KLRG1: variants seen among roughly 807,000 people sequenced by gnomAD.
KLRG1 encodes the protein killer cell lectin like receptor G1, also known as killer cell lectin-like receptor subfamily G member 1.
A neutral mutation model predicts 21.8 loss-of-function variants in KLRG1; 16 were observed. The ratio of observed to expected loss-of-function variants is 0.73; its 90% confidence interval spans 0.50 to 1.11. KLRG1 has a LOEUF of 1.11. Among genes scored for constraint, KLRG1 ranks in the 50% most tolerant of loss-of-function variants. KLRG1 has a pLI of 0.00. For synonymous variants in KLRG1, 69 were observed against 75.9 expected (o/e 0.91, Z 0.47); for missense variants, 173 against 218.3 (o/e 0.79, Z 1.31).
At chr12:9,126,145 T>A in the KLRG1 span, among the ~76,000 whole-genome samples, 1 of 152,208 alleles carries the variant, frequency 6.6e-6, no homozygotes, top group African/African-American at 2.4e-5. Context: ...ATAACTCAAC[T>A]GTTAGGAGCA....
chr12:9,079,490 G>C, the KLRG1 span: 1 of 1,027,742 alleles, frequency 9.7e-7, no homozygotes, highest in South Asian at 1.6e-5. Context: ...GGAGGTTGGA[G>C]AGTGGATAGT....
At chr12:8,991,311 T>G (rs1458648585) in intron 1 of KLRG1, among the ~76,000 whole-genome samples, 1 of 152,186 alleles carries the variant, frequency 6.6e-6, no homozygotes, top group Non-Finnish European at 1.5e-5. Context: ...ACAGCTAACA[T>G]GAAGTAGTGT....
At chr12:9,054,161 A>G in the KLRG1 span, among the ~76,000 whole-genome samples, 1 of 152,174 alleles carries the variant, frequency 6.6e-6, no homozygotes, top group Non-Finnish European at 1.5e-5. Context: ...AACACTATGA[A>G]TGCTGTCACT....
chr12:9,078,011 T>G, the KLRG1 span, among the ~76,000 whole-genome samples: 6 of 152,344 alleles, frequency 3.9e-5, no homozygotes, highest in African/African-American at 1.4e-4. Flanking sequence ...TCTGCCTGAT[T>G]AATCTGCTAG....
chr12:9,160,885 A>C, the KLRG1 span: 1 of 719,912 alleles, frequency 1.4e-6, no homozygotes, highest in Non-Finnish European at 2.4e-6. Context: ...ACTGTACTCC[A>C]GCCTGGGCGA....
chr12:9,067,737 C>A, the KLRG1 span: 1 of 1,212,264 alleles, frequency 8.2e-7, no homozygotes, highest in South Asian at 1.3e-5. Flanking sequence ...GTTTATTCAT[C>A]AAGTCTTTAA....
intron 3 of KLRG1, among the ~76,000 whole-genome samples, chr12:9,005,313 T>A (rs1947440154): frequency 6.6e-6 from 1 of 152,086 alleles, no homozygotes; most frequent in Non-Finnish European, 1.5e-5. Flanking sequence ...GTAACAAAAC[T>A]GCACATTCTG....
At chr12:9,005,559 G>A (rs773557888) in intron 3 of KLRG1, among the ~76,000 whole-genome samples, 1 of 152,272 alleles carries the variant, frequency 6.6e-6, no homozygotes, top group Non-Finnish European at 1.5e-5. Context: ...CAGAACAGAC[G>A]ATACAAGAAG....
chr12:9,150,087 G>C, the KLRG1 span, among the ~76,000 whole-genome samples: 1 of 152,060 alleles, frequency 6.6e-6, no homozygotes, highest in East Asian at 1.9e-4. Context: ...CAAACTTATT[G>C]CTTAGCTCAC....
chr12:9,174,185 A>G, the KLRG1 span, among the ~76,000 whole-genome samples: 1 of 152,234 alleles, frequency 6.6e-6, no homozygotes, highest in Admixed American at 6.5e-5. Context: ...ACACAAATCA[A>G]TAAGTGCGAT....
intron 1 of KLRG1, among the ~76,000 whole-genome samples, chr12:8,974,319 C>T (rs1361844024): frequency 1.3e-5 from 2 of 152,082 alleles, no homozygotes; most frequent in Non-Finnish European, 2.9e-5. Context: ...AAGCGTCCAC[C>T]ACCACACCCG....
At chr12:9,153,237 G>T in the KLRG1 span, 4 of 1,614,078 alleles carry the variant, frequency 2.5e-6, no homozygotes, top group East Asian at 8.9e-5. Context: ...TTGGAAATTT[G>T]TAGAAAAGGT....
chr12:9,208,268 G>A, the KLRG1 span: 1 of 1,612,802 alleles, frequency 6.2e-7, no homozygotes, highest in Non-Finnish European at 8.5e-7. Context: ...CGGTTCTGTA[G>A]AGTTTGAGTC....
At chr12:9,196,500 A>G in the KLRG1 span, 1 of 1,572,730 alleles carries the variant, frequency 6.4e-7, no homozygotes, top group Non-Finnish European at 8.7e-7. Context: ...TTTCTTTCTT[A>G]CAAATGACCT....
intron 1 of KLRG1, among the ~76,000 whole-genome samples, chr12:8,977,914 A>T (rs963346168): frequency 6.6e-6 from 1 of 152,040 alleles, no homozygotes; most frequent in South Asian, 2.1e-4. Flanking sequence ...GCTGGAGTGC[A>T]GTAGCCCCAT....
intron 1 of KLRG1, among the ~76,000 whole-genome samples, chr12:8,951,061 C>T (rs575106910): frequency 1.6e-4 from 24 of 151,926 alleles, no homozygotes; most frequent in Non-Finnish European, 2.8e-4. Flanking sequence ...TTTTTTTCTT[C>T]CTGAAAATGA....
At chr12:9,166,262 T>C in the KLRG1 span, 4 of 1,537,926 alleles carry the variant, frequency 2.6e-6, no homozygotes, top group Admixed American at 7.9e-5. Flanking sequence ...ATGGTGCACA[T>C]GTGAGACGTT....
At chr12:9,132,059 C>A in the KLRG1 span, among the ~76,000 whole-genome samples, 1 of 152,226 alleles carries the variant, frequency 6.6e-6, no homozygotes, top group South Asian at 2.1e-4. Context: ...GAATGTCCTT[C>A]CTTGTTCTTA....
intron 4 of KLRG1, among the ~76,000 whole-genome samples, 162 bp downstream of exon 4, chr12:9,009,237 C>CA (rs112576720): frequency 0.054 from 5,805 of 107,724 alleles, 476 homozygotes; most frequent in African/African-American, 0.18. Context: ...TGGGTAAGGG[C>CA]AAAAAAAAAA....
Sources: gnomAD v4.1 joint callset for allele counts (sites outside exome capture counted in the v4.1 genomes callset) on GRCh38, gnomAD v4.1.1 for gene constraint, MANE v1.5 for transcripts, NCBI Gene and HGNC (gene_info 2026-07-23, HGNC 2026-07-21) for gene names.